SRRM2: variants seen among roughly 807,000 people sequenced by gnomAD.
The protein encoded by SRRM2 is serine/arginine repetitive matrix 2, also known as serine/arginine repetitive matrix protein 2.
A neutral mutation model predicts 213.8 loss-of-function variants in SRRM2; 30 were observed. The ratio of observed to expected loss-of-function variants is 0.14; its 90% CI spans 0.10 to 0.19. The LOEUF (loss-of-function observed/expected upper bound fraction) is 0.19. Ranked by LOEUF, SRRM2 falls within the 10% of genes least tolerant of loss-of-function variation. The pLI, the probability that SRRM2 is intolerant of heterozygous loss-of-function variation, is 1.00. For missense variants in SRRM2, 4,904 were observed against 3,647.0 expected (o/e 1.34, Z -8.88); for synonymous variants, 2,025 against 1,377.7 (o/e 1.47, Z -10.40).
rs2068533472 is a variant in SRRM2, at chr16:2,766,128, G to A, written c.5600G>A (p.Arg1867Gln). The A allele has an allele frequency of 1.2e-6, 2 of 1,614,108 alleles. No individual in the cohort carries two copies. The highest frequency in any genetic ancestry group is 1.7e-6 in the Non-Finnish European group (2 of 1,180,018). Reference protein sequence around the residue: ...SPAPWKRSRSRASPATHRRSR... With the variant: ...SPAPWKRSRSQASPATHRRSR... ...GCCCCGTGGAAACGCTCTAGATCTC[G>A]AGCCTCTCCAGCCACTCACCGGCGA... The change falls in exon 11 of 15, where the codon CGA becomes CAA. Residue 1867 changes from arginine (R) to glutamine (Q), a missense_variant. By Grantham distance (43) the Arg-to-Gln change is conservative. Transcript: ENST00000301740. The surrounding 1 kb of genome is among the most constrained non-coding windows in gnomAD (Gnocchi z 7.0).
chr16:2,770,411 C>T lies in SRRM2; in HGVS notation c.8081C>T (p.Ser2694Leu), dbSNP rs766082064. 6.8e-6 allele frequency: 11 copies of T among 1,610,992 alleles called. No individual in the cohort carries two copies. The highest frequency in any genetic ancestry group is 1.3e-5 in the African/African-American group (1 of 74,874). Reference sequence around the variant, plus strand: ...AGGGACTCTCGGTCCCTCAGCTACTCGCCTGTGGAGCGTCGCCGTCCCTCG... The same window carrying T: ...AGGGACTCTCGGTCCCTCAGCTACTTGCCTGTGGAGCGTCGCCGTCCCTCG... ...SLRDSRSLSY[S>L]PVERRRPSPQ... Residue 2694 changes from serine to leucine, a missense_variant, in exon 13 of 15, where the codon TCG becomes TTG. By Grantham distance (145) the Ser-to-Leu change is moderately radical (BLOSUM62 -2). Coordinates refer to ENST00000301740, the MANE Select transcript of SRRM2 (RefSeq NM_016333.4).
At position 2,762,282 on chromosome 16, in the gene SRRM2, G is replaced by C; in HGVS notation, c.1754G>C (p.Arg585Pro). 1 of 1,614,058 alleles carries C rather than the reference G, an allele frequency of 6.2e-7. No homozygotes were observed. Among genetic ancestry groups the C allele is most frequent in the Non-Finnish European group, 8.5e-7 (1 of 1,180,010 alleles). ...ACACCAGCCCGCCGGGGCAGGTCCCGCTCTAGAACACCTGCCAGGCGGAGA... is the reference window on the plus strand; with the variant it reads ...ACACCAGCCCGCCGGGGCAGGTCCCCCTCTAGAACACCTGCCAGGCGGAGA... Reference protein sequence around the residue: ...SRTPARRGRSRSRTPARRRSR... With the variant: ...SRTPARRGRSPSRTPARRRSR... The change falls in exon 11 of 15, where the codon CGC becomes CCC. Residue 585 changes from arginine (R) to proline (P), a missense_variant. By Grantham distance (103) the Arg-to-Pro change is moderately radical (BLOSUM62 -2). Coordinates refer to ENST00000301740, the MANE Select transcript of SRRM2 (RefSeq NM_016333.4).
rs150909021 is a variant in SRRM2, at chr16:2,763,354, G to T, written c.2826G>T (p.Thr942=). The T allele has an allele frequency of 6.2e-7, 1 of 1,614,184 alleles. No individual in the cohort carries two copies. The highest frequency in any genetic ancestry group is 8.5e-7 in the Non-Finnish European group (1 of 1,180,020). ...CTTCTCCAAGTCCTAGTAGGGTGAC[G>T]TCGAGAACAACTCCACGGCGAAGCA... ...GSSSPSPSRV[T]SRTTPRRSRS... The change falls in exon 11 of 15, where the codon ACG becomes ACT. Residue 942 remains threonine (T), a synonymous_variant. Transcript: ENST00000301740.
rs761176182 is a variant in SRRM2 at position 2,767,335 on chromosome 16, C to T, written c.6807C>T (p.Asn2269=). ...CGCCAGCTGCAGCAGCGGCCATGAACTTGGCCAGCCCCAGAACAGCGGTGG... is the reference window on the plus strand; with the variant it reads ...CGCCAGCTGCAGCAGCGGCCATGAATTTGGCCAGCCCCAGAACAGCGGTGG... ...SRTPAAAAAM[N]LASPRTAVAP... Residue 2269 remains asparagine (N), a synonymous_variant, in exon 11 of 15, where the codon AAC becomes AAT. Coordinates refer to ENST00000301740, the MANE Select transcript of SRRM2 (RefSeq NM_016333.4). 24 of 1,613,908 alleles carry T rather than the reference C, an allele frequency of 1.5e-5. No individual in the cohort carries two copies. The East Asian group carries it at 4.9e-4, about 33-fold the overall frequency.
rs989570243 is a variant in SRRM2, at chr16:2,762,587, G to A, written c.2059G>A (p.Ala687Thr). ...TGGTCGCTCACGCTCCAGAACACCAGCCAGGAGAGGGAGGTCTCGGTCTAG... is the reference window on the plus strand; with the variant it reads ...TGGTCGCTCACGCTCCAGAACACCAACCAGGAGAGGGAGGTCTCGGTCTAG... ...RSGRSRSRTP[A>T]RRGRSRSRTP... is the part of the protein sequence containing the mutation. Residue 687 changes from alanine to threonine, a missense_variant, in exon 11 of 15, where the codon GCC (alanine) becomes ACC (threonine). Physicochemically the swap from Ala to Thr is moderately conservative, Grantham distance 58. Coordinates refer to ENST00000301740, the MANE Select transcript of SRRM2 (RefSeq NM_016333.4). 20 of 1,613,944 alleles carry A rather than the reference G, an allele frequency of 1.2e-5. No homozygotes were observed. The highest frequency in any genetic ancestry group is 5.0e-5 in the Admixed American group (3 of 59,994).
Position 2,763,645 on chromosome 16 carries a change from A to G in SRRM2, c.3117A>G (p.Val1039=), listed in dbSNP as rs1421492540. ...GATCCCTCTCTCTCTGTGCAGGAGT[A>G]AAATCTAGCACACCACCAGGCGAGA... ...CPGSLSLCAG[V]KSSTPPGESY... The change falls in exon 11 of 15, where the codon GTA becomes GTG. Residue 1039 remains valine (V), a synonymous_variant. Coordinates refer to ENST00000301740, the MANE Select transcript of SRRM2 (RefSeq NM_016333.4). 6.2e-7 allele frequency: 1 copy of G among 1,614,018 alleles called. No homozygotes were observed. Among genetic ancestry groups the G allele is most frequent in the Non-Finnish European group, 8.5e-7 (1 of 1,180,042 alleles).
Position 2,766,839 on chromosome 16 carries a change from C to T in SRRM2, c.6311C>T (p.Thr2104Ile). Residue 2104 changes from threonine (T) to isoleucine (I), a missense_variant, in exon 11 of 15, where the codon ACA becomes ATA. Coordinates refer to ENST00000301740, the MANE Select transcript of SRRM2 (RefSeq NM_016333.4). This position sits in a 1 kb window ranked among gnomAD's most constrained non-coding sequence, Gnocchi z 7.0. ...PATRNHSGSRTPPVALNSSRM... is the reference protein window; with the variant it reads ...PATRNHSGSRIPPVALNSSRM... ...ACAAGAAATCATTCTGGTTCACGGA[C>T]ACCTCCAGTAGCACTCAACAGTTCC... is the stretch of plus-strand genomic sequence containing the variant. 4 of 1,614,212 alleles carry T rather than the reference C, an allele frequency of 2.5e-6. No individual in the cohort carries two copies. The highest frequency in any genetic ancestry group is 3.4e-6 in the Non-Finnish European group (4 of 1,180,042).
chr16:2,770,820 G>A (rs1303219579), intron 14 of SRRM2, 38 bp from the exon 15 acceptor site: 2 of 1,613,732 alleles, frequency 1.2e-6, no homozygotes, highest in Admixed American at 1.7e-5. Flanking sequence ...TGAGGGCTGG[G>A]GTGGGAACTC....
rs775389828 is a variant in SRRM2 at position 2,762,895 on chromosome 16, G to A, written c.2367G>A (p.Lys789=). ...GGTCTTCCCCATGCCCTAAACAAAAGTCACAGACACCACCCAGGCGCAGTC... is the reference window on the plus strand; with the variant it reads ...GGTCTTCCCCATGCCCTAAACAAAAATCACAGACACCACCCAGGCGCAGTC... ...LSGSSPCPKQ[K]SQTPPRRSRS... is the part of the protein sequence containing the mutation. The change falls in exon 11 of 15, where the codon AAG becomes AAA. Residue 789 remains lysine (K), a synonymous_variant. Transcript: ENST00000301740. The A allele has an allele frequency of 6.2e-7, 1 of 1,614,108 alleles. No homozygotes were observed. The highest frequency in any genetic ancestry group is 8.5e-7 in the Non-Finnish European group (1 of 1,180,020).
rs769506596 is a variant in SRRM2 at position 2,767,381 on chromosome 16, G to A, written c.6853G>A (p.Ala2285Thr). Residue 2285 changes from alanine to threonine, a missense_variant, in exon 11 of 15, where the codon GCT becomes ACT. By Grantham distance (58) the Ala-to-Thr change is moderately conservative. Transcript: ENST00000301740. ...TAVAPSAVNL[A>T]DPRTPTAPAV... ...GGTGGCACCTTCGGCTGTGAACCTGGCTGACCCTCGCACTCCCACAGCCCC... is the reference window on the plus strand; with the variant it reads ...GGTGGCACCTTCGGCTGTGAACCTGACTGACCCTCGCACTCCCACAGCCCC... The A allele has an allele frequency of 3.7e-6, 6 of 1,613,784 alleles. No individual in the cohort carries two copies. In the Admixed American group the frequency reaches 1.0e-4, roughly 27 times the overall value.
In SRRM2 at chr16:2,758,576, G is replaced by A. The variant is rs777409589; in HGVS notation, c.593+29G>A. The A allele has an allele frequency of 1.4e-5, 23 of 1,590,568 alleles. No homozygotes were observed. In the East Asian group the frequency reaches 5.1e-4, roughly 36 times the overall value. ...AGTTAGTTGGAAAGTGACTCTGATA[G>A]CCAGAGGACCAATCCTGTGGTGTAC... On this transcript the variant is annotated intron_variant, in intron 5 of 14. Coordinates refer to ENST00000301740, the MANE Select transcript of SRRM2 (RefSeq NM_016333.4).
intron 12 of SRRM2, 112 bp from the exon 13 acceptor site, chr16:2,770,240 C>T (rs2068693183): frequency 1.4e-6 from 2 of 1,461,404 alleles, no homozygotes; most frequent in South Asian, 1.4e-5. Flanking sequence ...GGGTCTGAGG[C>T]TGGCCCTGTG....
chr16:2,756,755 A>C (rs2068156025), intron 2 of SRRM2, 149 bp downstream of exon 2: 1 of 1,137,998 alleles, frequency 8.8e-7, no homozygotes, highest in Non-Finnish European at 1.2e-6. Flanking sequence ...GAGAAGTGAA[A>C]ACAGTTAAGG....
At position 2,769,218 on chromosome 16, in the gene SRRM2, C is replaced by T. The variant is rs975761531; in HGVS notation, c.7955C>T (p.Ala2652Val). ...SSSSSSSPSP[A>V]KPGPQALPKP... ...TCGTCGTCTTCCTCCCCTTCCCCTGCTAAGCCTGGCCCTCAGGCCTTGCCC... is the reference window on the plus strand; with the variant it reads ...TCGTCGTCTTCCTCCCCTTCCCCTGTTAAGCCTGGCCCTCAGGCCTTGCCC... The change falls in exon 12 of 15, where the codon GCT becomes GTT. Residue 2652 changes from alanine (A) to valine (V), a missense_variant. Coordinates refer to ENST00000301740, the MANE Select transcript of SRRM2 (RefSeq NM_016333.4). 1 of 1,599,256 alleles carries T rather than the reference C, an allele frequency of 6.3e-7. No individual in the cohort carries two copies. The highest frequency in any genetic ancestry group is 8.5e-7 in the Non-Finnish European group (1 of 1,172,906).
rs752568526 is a variant in SRRM2 at position 2,763,779 on chromosome 16, C to G, written c.3251C>G (p.Pro1084Arg). The change falls in exon 11 of 15, where the codon CCA becomes CGA. Residue 1084 changes from proline (P) to arginine (R), a missense_variant. Pro to Arg is a moderately radical substitution (Grantham distance 103). Transcript: ENST00000301740. ...PEVRQSHSES[P>R]SLQSKSQTSP... ...GTGAGACAGAGTCATTCAGAATCAC[C>G]ATCTCTGCAGAGCAAATCTCAAACA... The G allele has an allele frequency of 6.2e-7, 1 of 1,614,170 alleles. No homozygotes were observed. The highest frequency in any genetic ancestry group is 1.7e-5 in the Admixed American group (1 of 60,028).
chr16:2,753,043 C>CT (rs1473079216), intron 1 of SRRM2, among the ~76,000 whole-genome samples, 197 bp downstream of exon 1: 2 of 150,898 alleles, frequency 1.3e-5, no homozygotes, highest in Non-Finnish European at 3.0e-5. Flanking sequence ...TTCACCCCCC[C>CT]CCGCCCCTCC....
rs555597384 is a variant in SRRM2 at position 2,768,702 on chromosome 16, C to T, written c.7734-295C>T. 34 of 690,150 alleles carry T rather than the reference C, an allele frequency of 4.9e-5. 1 individual carries two copies. Among genetic ancestry groups the T allele is most frequent in the Admixed American group, 2.9e-4 (14 of 49,056 alleles). 42.8% of individuals were successfully genotyped at this position (690,150 alleles called of 1,614,324 possible). A position where few individuals can be genotyped will look rare whatever the true frequency, so the allele number is the denominator to read the frequency against. ...AGCTGCGGCTCTCCGAGGAAGGAGA[C>T]TACCCAGCTTCAGCTTCCACACCTG... On this transcript the variant is annotated intron_variant, in intron 11 of 14. Transcript: ENST00000301740.
intron 1 of SRRM2, among the ~76,000 whole-genome samples, chr16:2,753,071 C>A (rs1322877248): frequency 3.5e-5 from 5 of 144,052 alleles, no homozygotes; most frequent in Non-Finnish European, 1.5e-5. Flanking sequence ...CAACGGCGTT[C>A]GCAGCCGCCT....
In SRRM2 at chr16:2,768,175, G is replaced by A. The variant is rs117364218; in HGVS notation, c.7647G>A (p.Ser2549=). ...GCTCCTCCTCTTCTTCATCATCGTC[G>A]TCGTCGTCCTCCTCCTCCTCTGGCT... is the stretch of plus-strand genomic sequence containing the variant. ...SSSSSSSSSS[S]SSSSSSSGSS... The change falls in exon 11 of 15, where the codon TCG becomes TCA. Residue 2549 remains serine, a synonymous_variant. Coordinates refer to ENST00000301740, the MANE Select transcript of SRRM2 (RefSeq NM_016333.4). 1,228 of 1,612,736 alleles carry A rather than the reference G, an allele frequency of 7.6e-4. 13 individuals carry two copies. The East Asian group carries it at 0.014, about 19-fold the overall frequency.
Sources: allele counts gnomAD v4.1 joint callset (sites outside exome capture counted in the v4.1 genomes callset), GRCh38; gene constraint gnomAD v4.1.1; non-coding constraint Gnocchi (gnomAD v3.1); transcripts MANE v1.5; gene names NCBI Gene and HGNC (gene_info 2026-07-23, HGNC 2026-07-21).